The following POLE2 variants were observed in gnomAD, a reference collection of about 807,000 sequenced individuals.
POLE2 encodes DNA polymerase epsilon 2, accessory subunit.
Under a neutral mutation model 79.4 loss-of-function variants are expected in POLE2, and 56 were observed. The ratio of observed to expected loss-of-function variants is 0.71; its 90% CI spans 0.57 to 0.88. POLE2 has a LOEUF of 0.88. Ranked by LOEUF, POLE2 falls within the 40% of genes least tolerant of loss-of-function variation. The probability of loss-of-function intolerance (pLI) is 0.00; values close to 1 mark genes in which losing one functional copy is unlikely to be tolerated. For missense variants in POLE2, 598 were observed against 638.9 expected (o/e 0.94, Z 0.69); for synonymous variants, 212 against 214.0 (o/e 0.99, Z 0.08).
chr14:49,677,644 T>C, intron 3 of POLE2: 1 of 694,452 alleles, frequency 1.4e-6, no homozygotes, highest in Non-Finnish European at 2.4e-6. Context: ...CCCTGGGCTG[T>C]GTGATATATG....
chr14:49,649,137 C>CTTTT (rs374201091), intron 17 of POLE2, among the ~76,000 whole-genome samples: 27 of 108,786 alleles, frequency 2.5e-4, no homozygotes, highest in Non-Finnish European at 3.0e-4. Context: ...ATTTCTTTCC[C>CTTTT]TTTTTTTTTT....
At chr14:49,667,379 C>G (rs1376132939) in intron 6 of POLE2, among the ~76,000 whole-genome samples, 1 of 152,026 alleles carries the variant, frequency 6.6e-6, no homozygotes, top group Non-Finnish European at 1.5e-5. Flanking sequence ...TTCCATTTTT[C>G]TACATATAGA....
chr14:49,646,302 G>GTTTTGT (rs1883758179), intron 18 of POLE2, among the ~76,000 whole-genome samples: 1 of 84,554 alleles, frequency 1.2e-5, no homozygotes, highest in South Asian at 5.2e-4. Context: ...TTTTTTGTTG[G>GTTTTGT]TTTTTTTTTT....
chr14:49,665,218 C>T lies in POLE2; in HGVS notation c.577-55G>A, dbSNP rs1156276284. The T allele has an allele frequency of 1.9e-5, 14 of 754,178 alleles. No individual in the cohort carries two copies. The African/African-American group carries it at 2.5e-4, about 14-fold the overall frequency. 46.7% of individuals were successfully genotyped at this position (754,178 alleles called of 1,614,324 possible). A position where few individuals can be genotyped will look rare whatever the true frequency, so the allele number is the denominator to read the frequency against. ...TTTATGTAACAATGAAAACCGTTGA[C>T]AAAAAAATTAAACTACAAGTTTGAC... On this transcript the variant is annotated intron_variant, in intron 7 of 18. Transcript: ENST00000216367.
At chr14:49,658,234 G>A (rs1448744580) in intron 10 of POLE2, among the ~76,000 whole-genome samples, 17 of 152,142 alleles carry the variant, frequency 1.1e-4, no homozygotes, top group South Asian at 6.2e-4. Context: ...CTGCCACCAC[G>A]CCCGGCTAAT....
intron 1 of POLE2, chr14:49,684,580 CA>C (rs1886984875): frequency 6.8e-6 from 1 of 147,242 alleles, no homozygotes; most frequent in Non-Finnish European, 1.5e-5. Context: ...CTCCACTTGA[CA>C]AAGATGGAAG....
intron 3 of POLE2, among the ~76,000 whole-genome samples, chr14:49,678,133 G>A (rs187549628): frequency 6.6e-6 from 1 of 152,004 alleles, no homozygotes; most frequent in East Asian, 1.9e-4. Flanking sequence ...CCAAATAGCT[G>A]GGACTACAGG....
chr14:49,678,259 T>A (rs1212529820), intron 3 of POLE2, among the ~76,000 whole-genome samples: 1 of 152,108 alleles, frequency 6.6e-6, no homozygotes, highest in Non-Finnish European at 1.5e-5. Flanking sequence ...CACCTCGGCC[T>A]CCCAAAGTGC....
rs577886157 is a variant in POLE2, at chr14:49,687,278, C to CATAT, written c.68+854_68+857dup. Among the ~76,000 whole-genome samples the CATAT allele has an allele frequency of 2.9e-3, 400 of 140,118 alleles. 2 individuals are homozygous for CATAT. Among genetic ancestry groups the CATAT allele is most frequent in the African/African-American group, 0.01 (379 of 37,838 alleles). The allele number at this position is 140,118 out of a possible 152,430, so 91.9% of individuals were successfully genotyped here. ...ACCATGACTCAAAAAAAAAAAAATA[C>CATAT]ATATATATATATACACACACACCAC... On this transcript the variant is annotated intron_variant, in intron 1 of 18. Transcript: ENST00000216367.
At chr14:49,688,042 C>T in intron 1 of POLE2, 94 bp downstream of exon 1, 1 of 1,054,610 alleles carries the variant, frequency 9.5e-7, no homozygotes, top group East Asian at 2.8e-5. Flanking sequence ...CCTCTCGGCG[C>T]GCGGGGAGCC....
chr14:49,653,020 A>C (rs1309277459), intron 15 of POLE2, among the ~76,000 whole-genome samples: 1 of 152,070 alleles, frequency 6.6e-6, no homozygotes, highest in Non-Finnish European at 1.5e-5. Context: ...AGAAACCCCA[A>C]AGTGTTTGGC....
Position 49,682,640 on chromosome 14 carries a change from G to GAAAAAAAAAAAAAAA in POLE2, c.169+938_169+952dup, listed in dbSNP as rs35984833. 5.6e-4 allele frequency among the ~76,000 whole-genome samples: 34 copies of GAAAAAAAAAAAAAAA among 60,972 alleles called. 1 individual carries two copies. Among genetic ancestry groups the GAAAAAAAAAAAAAAA allele is most frequent in the African/African-American group, 1.8e-3 (32 of 17,440 alleles). 40.0% of individuals were successfully genotyped at this position (60,972 alleles called of 152,430 possible). On this transcript the variant is annotated intron_variant, in intron 2 of 18. Transcript: ENST00000216367. ...CGACAGTGCAAGACTCCTTCTCAGG[G>GAAAAAAAAAAAAAAA]AAAAAAAAAAAAAAAAAAAAAAAAA...
intron 10 of POLE2, among the ~76,000 whole-genome samples, chr14:49,659,729 C>T (rs972535646): frequency 2.0e-5 from 3 of 152,044 alleles, no homozygotes; most frequent in Non-Finnish European, 2.9e-5. Flanking sequence ...TACAGGTACA[C>T]ACTGCCACAC....
chr14:49,661,825 C>A lies in POLE2; in HGVS notation c.755+1490G>T, dbSNP rs549140876. Among the ~76,000 whole-genome samples the A allele has an allele frequency of 3.3e-5, 5 of 152,230 alleles. No individual in the cohort carries two copies. In the East Asian group the frequency reaches 9.6e-4, roughly 29 times the overall value. On this transcript the variant is annotated intron_variant, in intron 10 of 18. Coordinates refer to ENST00000216367, the MANE Select transcript of POLE2 (RefSeq NM_002692.4). ...CATTTTATTTTAATGTACTTTATTA[C>A]ACCTCATACCAATCCTTTGGTTTAC...
chr14:49,666,595 C>T (rs1049123013), intron 6 of POLE2, among the ~76,000 whole-genome samples, 182 bp from the exon 7 acceptor site: 1 of 152,004 alleles, frequency 6.6e-6, no homozygotes, highest in African/African-American at 2.4e-5. Context: ...TTTTGTCCTA[C>T]AAAAAAGCTG....
intron 3 of POLE2, among the ~76,000 whole-genome samples, chr14:49,678,405 TA>T (rs1451651723): frequency 3.3e-5 from 5 of 152,106 alleles, no homozygotes; most frequent in Non-Finnish European, 7.4e-5. Context: ...TGCGATATGG[TA>T]CATGGCTCTG....
At chr14:49,663,972 G>C (rs1247733569) in intron 9 of POLE2, among the ~76,000 whole-genome samples, 1 of 151,696 alleles carries the variant, frequency 6.6e-6, no homozygotes, top group African/African-American at 2.4e-5. Context: ...GGGAGGCAGA[G>C]CTTGCAGTGA....
Position 49,655,811 on chromosome 14 carries a change from C to G in POLE2, c.788G>C (p.Gly263Ala). The change falls in exon 11 of 19, where the codon GGT becomes GCT. Residue 263 changes from glycine to alanine, a missense_variant. Physicochemically the swap from Gly to Ala is moderately conservative, Grantham distance 60. Coordinates refer to ENST00000216367, the MANE Select transcript of POLE2 (RefSeq NM_002692.4). ...AGTCTTCACAGATGTATTAGAAGGA[C>G]CTCCAAAAAAATTAATATTTCCATA... ...AYYGNINFFGGPSNTSVKTSA... is the reference protein window; with the variant it reads ...AYYGNINFFGAPSNTSVKTSA... 6 of 1,573,266 alleles carry G rather than the reference C, an allele frequency of 3.8e-6. No individual in the cohort carries two copies. Among genetic ancestry groups the G allele is most frequent in the African/African-American group, 1.4e-5 (1 of 73,436 alleles).
chr14:49,666,340 T>C lies in POLE2; in HGVS notation c.566A>G (p.Gln189Arg), dbSNP rs1273347614. 1 of 1,528,204 alleles carries C rather than the reference T, an allele frequency of 6.5e-7. No individual in the cohort carries two copies. Among genetic ancestry groups the C allele is most frequent in the Admixed American group, 2.1e-5 (1 of 48,444 alleles). The allele number at this position is 1,528,204 out of a possible 1,614,324, so 94.7% of individuals were successfully genotyped here. A position where few individuals can be genotyped will look rare whatever the true frequency, so the allele number is the denominator to read the frequency against. The change falls in exon 7 of 19, where the codon CAG (glutamine) becomes CGG (arginine). Residue 189 changes from glutamine (Q) to arginine (R), a missense_variant. By Grantham distance (43) the Gln-to-Arg change is conservative. Transcript: ENST00000216367. ...GDAIVLGMIT[Q>R]LKEGKFFLED... The stretch of plus-strand genomic sequence containing the variant: ...TGCTTATTAAGTTACCTCTTTTAAC[T>C]GCGTTATCATTCCAAGAACAATCGC...
Sources: allele counts gnomAD v4.1 joint callset (sites outside exome capture counted in the v4.1 genomes callset), GRCh38; gene constraint gnomAD v4.1.1; transcripts MANE v1.5; gene names NCBI Gene and HGNC (gene_info 2026-07-23, HGNC 2026-07-21).